NAV3: variants seen among roughly 807,000 people sequenced by gnomAD.
The protein encoded by NAV3 is neuron navigator 3.
In NAV3, 87 loss-of-function variants were observed where a neutral mutation model predicts 244.7. That is an observed-to-expected ratio of 0.36 (90% CI 0.30 to 0.42). The LOEUF is 0.42. Among genes scored for constraint, NAV3 ranks in the 20% least tolerant of loss-of-function variants. NAV3 has a pLI of 1.00. For missense variants in NAV3, 2,663 were observed against 2,893.3 expected, an observed-to-expected ratio of 0.92 and a Z score of 1.83; for synonymous variants, 1,126 against 1,042.2, an observed-to-expected ratio of 1.08 and a Z score of -1.55.
intron 2 of NAV3, among the ~76,000 whole-genome samples, chr12:77,609,863 A>G (rs927088192): frequency 3.9e-5 from 6 of 152,082 alleles, no homozygotes; most frequent in South Asian, 4.1e-4. Flanking sequence ...TTATCATATT[A>G]TCACATACTT....
At chr12:78,054,812 C>CGA (rs570353565) in intron 11 of NAV3, among the ~76,000 whole-genome samples, 5 of 150,944 alleles carry the variant, frequency 3.3e-5, no homozygotes, top group Non-Finnish European at 7.4e-5. Flanking sequence ...AGAGAGAGAG[C>CGA]GAGAGAGAGA....
rs748531378 is a variant in NAV3 at position 77,766,735 on chromosome 12, GTTTTTTTTTTTTTTTTT to G, written c.73-173564_73-173548del. ...AGGATTCTAAAAAACAGGCAATTAAGTTTTTTTTTTTTTTTTTTTTTTTTTTTTTTTTTTTTGAGACG... is the reference window on the plus strand; with the variant it reads ...AGGATTCTAAAAAACAGGCAATTAAGTTTTTTTTTTTTTTTTTTTGAGACG... On this transcript the variant is annotated intron_variant, in intron 2 of 8. Coordinates refer to the NAV3 transcript ENST00000550042. Among the ~76,000 whole-genome samples, 15 of 60,512 alleles carry G rather than the reference GTTTTTTTTTTTTTTTTT, an allele frequency of 2.5e-4. 3 individuals are homozygous for G. In the South Asian group the frequency reaches 5.0e-3, roughly 20 times the overall value. The allele number at this position is 60,512 out of a possible 152,430, so 39.7% of individuals were successfully genotyped here.
At chr12:78,180,172 AT>A (rs1958439510) in intron 29 of NAV3, among the ~76,000 whole-genome samples, 1 of 152,042 alleles carries the variant, frequency 6.6e-6, no homozygotes, top group South Asian at 2.1e-4. Context: ...AGGCTTGTGT[AT>A]TTTTTTGAAA....
chr12:78,157,420 G>A (rs1435694689), intron 22 of NAV3, among the ~76,000 whole-genome samples: 1 of 151,584 alleles, frequency 6.6e-6, no homozygotes, highest in African/African-American at 2.4e-5. Flanking sequence ...AAGTAGCTGG[G>A]CATGTTGGTA....
intron 2 of NAV3, among the ~76,000 whole-genome samples, chr12:77,774,076 A>G (rs1156595162): frequency 6.6e-6 from 1 of 152,208 alleles, no homozygotes; most frequent in African/African-American, 2.4e-5. Flanking sequence ...CATTAATACT[A>G]CTGAGATAAT....
At chr12:78,032,273 C>T (rs1879131358) in intron 9 of NAV3, among the ~76,000 whole-genome samples, 2 of 152,224 alleles carry the variant, frequency 1.3e-5, no homozygotes, top group South Asian at 4.1e-4. Context: ...GAGGGATTTG[C>T]TAAGTTAGTT....
At chr12:77,666,369 T>C (rs1298931136) in intron 2 of NAV3, among the ~76,000 whole-genome samples, 2 of 152,020 alleles carry the variant, frequency 1.3e-5, no homozygotes, top group African/African-American at 4.8e-5. Context: ...ACTCATAGAA[T>C]GAATGAATGA....
intron 2 of NAV3, among the ~76,000 whole-genome samples, chr12:77,603,270 C>A (rs892884684): frequency 6.6e-6 from 1 of 151,994 alleles, no homozygotes; most frequent in African/African-American, 2.4e-5. Flanking sequence ...AAAGAGAGAG[C>A]AAATAAGGTA....
chr12:77,653,959 A>C (rs1045147877), intron 2 of NAV3, among the ~76,000 whole-genome samples: 1 of 64,260 alleles, frequency 1.6e-5, no homozygotes, highest in African/African-American at 5.7e-5. Flanking sequence ...AGAATATGAG[A>C]TAGTTGGGGG....
chr12:77,688,211 C>G (rs1454324702), intron 2 of NAV3, among the ~76,000 whole-genome samples: 1 of 151,790 alleles, frequency 6.6e-6, no homozygotes, highest in Admixed American at 6.6e-5. Context: ...TGTATCATAG[C>G]TAAAAGTTTA....
At chr12:77,761,423 A>C (rs1784999127) in intron 2 of NAV3, among the ~76,000 whole-genome samples, 1 of 152,188 alleles carries the variant, frequency 6.6e-6, no homozygotes, top group South Asian at 2.1e-4. Flanking sequence ...TTTATATTTA[A>C]TCAGCATTGC....
chr12:77,766,735 G>GTTTGTTTTTTTTTTTTTTTTTTTTTTT lies in NAV3; in HGVS notation c.73-173581_73-173580insGTTTTTTTTTTTTTTTTTTTTTTTTTT, dbSNP rs1555202961. Among the ~76,000 whole-genome samples the GTTTGTTTTTTTTTTTTTTTTTTTTTTT allele has an allele frequency of 3.3e-4, 20 of 60,514 alleles. 5 individuals carry two copies. The highest frequency in any genetic ancestry group is 4.5e-4 in the Non-Finnish European group (15 of 33,044). 39.7% of individuals were successfully genotyped at this position (60,514 alleles called of 152,430 possible). A position where few individuals can be genotyped will look rare whatever the true frequency, so the allele number is the denominator to read the frequency against. ...AGGATTCTAAAAAACAGGCAATTAA[G>GTTTGTTTTTTTTTTTTTTTTTTTTTTT]TTTTTTTTTTTTTTTTTTTTTTTTT... On this transcript the variant is annotated intron_variant, in intron 2 of 8. Coordinates refer to the NAV3 transcript ENST00000550042.
chr12:78,006,731 G>A lies in NAV3; in HGVS notation c.1193G>A (p.Arg398His), dbSNP rs754639465. The change falls in exon 8 of 40, where the codon CGC becomes CAC. Residue 398 changes from arginine to histidine, a missense_variant. Physicochemically the swap from Arg to His is conservative, Grantham distance 29 (BLOSUM62 0). Coordinates refer to ENST00000397909, the MANE Select transcript of NAV3 (RefSeq NM_001024383.2). ...CTAGTCAATGCCCGGACTGCTTTAC[G>A]CCCCCCGCAGCCTCCCAGTTCAGGA... ...FKLVNARTAL[R>H]PPQPPSSGPS... 69 of 1,613,910 alleles carry A rather than the reference G, an allele frequency of 4.3e-5. 1 individual carries two copies. The highest frequency in any genetic ancestry group is 5.6e-5 in the Non-Finnish European group (66 of 1,180,014).
chr12:78,048,039 G>A (rs1028159063), intron 9 of NAV3, among the ~76,000 whole-genome samples: 1 of 152,034 alleles, frequency 6.6e-6, no homozygotes, highest in Non-Finnish European at 1.5e-5. Flanking sequence ...AGAATTTCGT[G>A]CTATGTTTTT....
intron 22 of NAV3, among the ~76,000 whole-genome samples, chr12:78,154,328 A>G (rs1316612716): frequency 1.4e-5 from 1 of 73,662 alleles, no homozygotes; most frequent in Non-Finnish European, 2.9e-5. Context: ...TATATAGTAT[A>G]TATTATATAG....
intron 9 of NAV3, 50 bp downstream of exon 9, chr12:78,021,912 T>C (rs374757321): frequency 1.5e-5 from 18 of 1,186,754 alleles, no homozygotes; most frequent in Non-Finnish European, 2.2e-5. Flanking sequence ...TTCCGTATTC[T>C]CTCCATAAGA....
chr12:77,865,819 G>T (rs967943306), intron 1 of NAV3, among the ~76,000 whole-genome samples: 2 of 141,264 alleles, frequency 1.4e-5, no homozygotes, highest in Admixed American at 7.2e-5. Flanking sequence ...GTGTGTGGTC[G>T]TTCTAATTTT....
At chr12:78,078,411 T>C (rs113688083) in intron 12 of NAV3, among the ~76,000 whole-genome samples, 7,017 of 103,326 alleles carry the variant, frequency 0.068, 618 homozygotes, top group South Asian at 0.13. Flanking sequence ...TTTTTTTTTT[T>C]TTGAGACGGA....
intron 17 of NAV3, among the ~76,000 whole-genome samples, chr12:78,127,502 A>G (rs1397039315): frequency 2.0e-5 from 3 of 152,176 alleles, no homozygotes; most frequent in Non-Finnish European, 4.4e-5. Context: ...AACAAACAAA[A>G]AACTTGTCCC....
Sources: allele counts gnomAD v4.1 joint callset (sites outside exome capture counted in the v4.1 genomes callset), GRCh38; gene constraint gnomAD v4.1.1; transcripts MANE v1.5; gene names NCBI Gene and HGNC (gene_info 2026-07-23, HGNC 2026-07-21).